Variants in ERC2 observed in about 807,000 individuals in gnomAD.
The protein encoded by ERC2 is ERC protein 2.
Under a neutral mutation model 114.8 loss-of-function variants are expected in ERC2, and 42 were observed. The observed-to-expected ratio is 0.37, with a 90% CI of 0.29 to 0.47. ERC2 has a LOEUF of 0.47. Among genes scored for constraint, ERC2 ranks in the 20% least tolerant of loss-of-function variants. The probability of loss-of-function intolerance (pLI) is 0.99; values close to 1 mark genes in which losing one functional copy is unlikely to be tolerated. For missense variants in ERC2, 939 were observed against 1,150.7 expected, an observed-to-expected ratio of 0.82 and a Z score of 2.66; for synonymous variants, 454 against 425.5, an observed-to-expected ratio of 1.07 and a Z score of -0.82.
chr3:55,903,524 C>T (rs1172926548), intron 13 of ERC2, among the ~76,000 whole-genome samples: 2 of 152,136 alleles, frequency 1.3e-5, no homozygotes, highest in African/African-American at 4.8e-5. Context: ...TATTTTTCCT[C>T]TCATTTCTTC....
At position 55,801,093 on chromosome 3, in the gene ERC2, C is replaced by T. The variant is rs192907796; in HGVS notation, c.2565-66175G>A. The stretch of plus-strand genomic sequence containing the variant: ...TGTGCCCACACCTTTGGAATTAATC[C>T]CTTTGTACAAAATTGCTTCTTGAAT... On this transcript the variant is annotated intron_variant, in intron 14 of 17. Coordinates refer to ENST00000288221, the MANE Select transcript of ERC2 (RefSeq NM_015576.3). Among the ~76,000 whole-genome samples, 375 of 152,248 alleles carry T rather than the reference C, an allele frequency of 2.5e-3. 1 individual carries two copies. Among genetic ancestry groups the T allele is most frequent in the African/African-American group, 8.6e-3 (356 of 41,540 alleles).
intron 17 of ERC2, among the ~76,000 whole-genome samples, chr3:55,623,982 G>A (rs1275195052): frequency 1.3e-5 from 2 of 152,198 alleles, no homozygotes; most frequent in East Asian, 1.9e-4. Flanking sequence ...CTTGCTTCAT[G>A]TATGATTGCC....
chr3:55,669,916 C>T (rs544374416), intron 17 of ERC2, among the ~76,000 whole-genome samples: 1 of 152,306 alleles, frequency 6.6e-6, no homozygotes, highest in Admixed American at 6.5e-5. Context: ...ATAGTAGATA[C>T]TTGATAAATA....
intron 3 of ERC2, among the ~76,000 whole-genome samples, chr3:56,180,679 G>C (rs2083241116): frequency 6.6e-6 from 1 of 152,124 alleles, no homozygotes; most frequent in African/African-American, 2.4e-5. Flanking sequence ...GTTGTATAAT[G>C]GGTACAGAGT....
At chr3:55,572,651 CTG>C (rs1037312645) in intron 17 of ERC2, among the ~76,000 whole-genome samples, 7 of 152,206 alleles carry the variant, frequency 4.6e-5, no homozygotes, top group African/African-American at 1.4e-4. Context: ...CAGATTCTGA[CTG>C]GGGCTGGGGG....
chr3:55,950,486 T>C lies in ERC2; in HGVS notation c.2342A>G (p.Gln781Arg), dbSNP rs1182344047. ...TCGCCTGCGCACTTCTTCTAGTAAC[T>C]GAGCATTTTTCTTCTTTTCCAACTG... ...NQQLEKKKNA[Q>R]LLEEVRRRED... Residue 781 changes from glutamine to arginine, a missense_variant, in exon 13 of 18, where the codon CAG (glutamine) becomes CGG (arginine). By Grantham distance (43) the Gln-to-Arg change is conservative (BLOSUM62 1). Coordinates refer to ENST00000288221, the MANE Select transcript of ERC2 (RefSeq NM_015576.3). 1.2e-6 allele frequency: 2 copies of C among 1,614,082 alleles called. No individual in the cohort carries two copies. Among genetic ancestry groups the C allele is most frequent in the African/African-American group, 1.3e-5 (1 of 75,074 alleles).
At chr3:55,556,326 A>T (rs1016710426) in intron 17 of ERC2, among the ~76,000 whole-genome samples, 6 of 152,216 alleles carry the variant, frequency 3.9e-5, no homozygotes, top group Non-Finnish European at 7.3e-5. Context: ...AAAGAGCTAC[A>T]GCCTCTCAGT....
intron 14 of ERC2, among the ~76,000 whole-genome samples, chr3:55,737,841 G>A (rs1333527488): frequency 6.6e-6 from 1 of 152,150 alleles, no homozygotes; most frequent in Admixed American, 6.5e-5. Flanking sequence ...TTGAAAGACA[G>A]AGGTGGTATT....
At chr3:55,879,076 T>TAA in intron 14 of ERC2, among the ~76,000 whole-genome samples, 1 of 88,362 alleles carries the variant, frequency 1.1e-5, no homozygotes, top group Admixed American at 1.6e-4. Flanking sequence ...TTCTTTTTCT[T>TAA]TTCTTTTTTT....
At chr3:56,112,493 T>C (rs566067035) in intron 6 of ERC2, among the ~76,000 whole-genome samples, 1 of 150,766 alleles carries the variant, frequency 6.6e-6, no homozygotes, top group South Asian at 2.1e-4. Flanking sequence ...AGGCACACAC[T>C]TATGAAAGGT....
intron 14 of ERC2, among the ~76,000 whole-genome samples, chr3:55,761,383 A>G (rs1371785343): frequency 6.6e-6 from 1 of 152,098 alleles, no homozygotes; most frequent in African/African-American, 2.4e-5. Flanking sequence ...ATGTGCTTAT[A>G]CTAAAAATGT....
At chr3:56,098,300 C>G (rs1365536529) in intron 6 of ERC2, among the ~76,000 whole-genome samples, 2 of 152,190 alleles carry the variant, frequency 1.3e-5, no homozygotes, top group Non-Finnish European at 2.9e-5. Flanking sequence ...TTTTAAGAAG[C>G]AGTCACCATC....
At chr3:55,601,184 ATC>A (rs2058386085) in intron 17 of ERC2, among the ~76,000 whole-genome samples, 1 of 152,166 alleles carries the variant, frequency 6.6e-6, no homozygotes. Flanking sequence ...TAACCAGATC[ATC>A]TGTTTTTTTC....
intron 15 of ERC2, among the ~76,000 whole-genome samples, chr3:55,724,447 G>A (rs1272205063): frequency 6.6e-6 from 1 of 152,188 alleles, no homozygotes; most frequent in Non-Finnish European, 1.5e-5. Flanking sequence ...GGAAGAGCAT[G>A]GAAAAGCTTC....
Position 56,425,533 on chromosome 3 carries a change from C to A in ERC2, c.657+8818G>T, listed in dbSNP as rs371672636. ...CCTTTCTGCAATTTTGTTACAAGAACTAACCAACTCCACCCCGACCCTTTT... is the reference window on the plus strand; with the variant it reads ...CCTTTCTGCAATTTTGTTACAAGAAATAACCAACTCCACCCCGACCCTTTT... On this transcript the variant is annotated intron_variant, in intron 2 of 17. Transcript: ENST00000288221. Among the ~76,000 whole-genome samples the A allele has an allele frequency of 3.0e-4, 45 of 149,368 alleles. No individual in the cohort carries two copies. In the South Asian group the frequency reaches 9.4e-3, roughly 31 times the overall value.
chr3:56,437,030 T>A (rs891791723), intron 1 of ERC2, among the ~76,000 whole-genome samples: 2 of 152,214 alleles, frequency 1.3e-5, no homozygotes, highest in Non-Finnish European at 2.9e-5. Flanking sequence ...CTTTACTCCT[T>A]TTTTTATATA....
chr3:56,204,479 T>TTATTTTATTG (rs1315285463), intron 3 of ERC2, among the ~76,000 whole-genome samples: 2 of 142,790 alleles, frequency 1.4e-5, no homozygotes, highest in African/African-American at 5.2e-5. Context: ...TTAGATGCTT[T>TTATTTTATTG]TATTTTATTT....
rs200103453 is a variant in ERC2 at position 56,040,707 on chromosome 3, TAGAG to T, written c.1642-21680_1642-21677del. 4.2e-3 allele frequency among the ~76,000 whole-genome samples: 597 copies of T among 143,432 alleles called. 2 individuals are homozygous for T. The highest frequency in any genetic ancestry group is 0.014 in the African/African-American group (533 of 39,188). The allele number at this position is 143,432 out of a possible 152,430, so 94.1% of individuals were successfully genotyped here. ...ATATCTCTATATAGAGAGAGATATA[TAGAG>T]AGAGATACATATAGATATATCTCTA... On this transcript the variant is annotated intron_variant, in intron 7 of 17. Transcript: ENST00000288221.
At chr3:55,577,847 A>G (rs1297808506) in intron 17 of ERC2, among the ~76,000 whole-genome samples, 1 of 152,188 alleles carries the variant, frequency 6.6e-6, no homozygotes, top group Non-Finnish European at 1.5e-5. Context: ...GAGTGAAAGG[A>G]AATGGAAGAG....
Sources: gnomAD v4.1 joint callset for allele counts (sites outside exome capture counted in the v4.1 genomes callset) on GRCh38, gnomAD v4.1.1 for gene constraint, MANE v1.5 for transcripts, NCBI Gene and HGNC (gene_info 2026-07-23, HGNC 2026-07-21) for gene names.